OR1J2: variants seen among roughly 807,000 people sequenced by gnomAD.
The protein encoded by OR1J2 is olfactory receptor 1J2.
For synonymous variants in OR1J2, 142 were observed against 99.7 expected (o/e 1.42, Z -2.52); for missense variants, 304 against 246.1 (o/e 1.24, Z -1.57).
At chr9:122,532,256 A>C in the OR1J2 span, among the ~76,000 whole-genome samples, 2 of 152,132 alleles carry the variant, frequency 1.3e-5, no homozygotes, top group Non-Finnish European at 2.9e-5. Flanking sequence ...AACACTGAGA[A>C]GTTATTTCCT....
At chr9:122,553,325 C>G in the OR1J2 span, 1 of 1,613,854 alleles carries the variant, frequency 6.2e-7, no homozygotes, top group Non-Finnish European at 8.5e-7. Flanking sequence ...TTGGCATGTA[C>G]CTGGTCACCA....
At chr9:122,522,192 A>G in the OR1J2 span, among the ~76,000 whole-genome samples, 1 of 152,238 alleles carries the variant, frequency 6.6e-6, no homozygotes, top group South Asian at 2.1e-4. Context: ...AGCTTGCTGC[A>G]TTTTTGAAAT....
the OR1J2 span, among the ~76,000 whole-genome samples, chr9:122,526,119 C>T: frequency 6.6e-6 from 1 of 152,132 alleles, no homozygotes; most frequent in Non-Finnish European, 1.5e-5. Context: ...CCTTATTGAA[C>T]ACCTACTGTT....
At chr9:122,553,686 G>T in the OR1J2 span, 1 of 1,614,082 alleles carries the variant, frequency 6.2e-7, no homozygotes. Flanking sequence ...CAACTGTCCT[G>T]CCCTGATGCA....
chr9:122,481,825 C>T, the OR1J2 span, among the ~76,000 whole-genome samples: 148 of 152,058 alleles, frequency 9.7e-4, 1 homozygote, highest in African/African-American at 3.4e-3. Context: ...AACAATGAAG[C>T]TAGACCCCTA....
At chr9:122,481,019 C>T in the OR1J2 span, among the ~76,000 whole-genome samples, 2 of 152,126 alleles carry the variant, frequency 1.3e-5, no homozygotes, top group Admixed American at 6.5e-5. Flanking sequence ...TGGTCTTGAT[C>T]TCTTGACCTT....
the OR1J2 span, among the ~76,000 whole-genome samples, chr9:122,472,394 A>G: frequency 6.6e-6 from 1 of 152,242 alleles, no homozygotes; most frequent in Admixed American, 6.5e-5. Context: ...TATCATCTCC[A>G]GCCCTCTGGA....
the OR1J2 span, among the ~76,000 whole-genome samples, chr9:122,574,640 G>T: frequency 6.6e-6 from 1 of 152,064 alleles, no homozygotes; most frequent in Admixed American, 6.6e-5. Context: ...TGTGAACAAA[G>T]ATAGTTTCAT....
the OR1J2 span, chr9:122,568,026 G>T: frequency 1.2e-6 from 2 of 1,614,090 alleles, no homozygotes; most frequent in South Asian, 2.2e-5. Flanking sequence ...GTGAGGAAAT[G>T]AGCAGGAGAA....
chr9:122,535,833 T>G, the OR1J2 span, among the ~76,000 whole-genome samples: 1 of 151,634 alleles, frequency 6.6e-6, no homozygotes, highest in Non-Finnish European at 1.5e-5. Context: ...GTGGGCTGAG[T>G]CGGAAAAGGG....
the OR1J2 span, among the ~76,000 whole-genome samples, chr9:122,542,211 T>A: frequency 6.6e-6 from 1 of 152,174 alleles, no homozygotes; most frequent in Admixed American, 6.5e-5. Context: ...AAATAACCCA[T>A]AGTTTATTCA....
the OR1J2 span, among the ~76,000 whole-genome samples, chr9:122,564,991 G>T: frequency 2.0e-5 from 3 of 152,184 alleles, no homozygotes; most frequent in Non-Finnish European, 4.4e-5. Context: ...TAGGACATTT[G>T]TGTGTCAAAA....
chr9:122,554,362 G>T, the OR1J2 span: 1 of 532,796 alleles, frequency 1.9e-6, no homozygotes, highest in Non-Finnish European at 3.3e-6. Context: ...CCTCTTTCCT[G>T]ACCCCAGTGA....
At chr9:122,519,550 A>C in the OR1J2 span, 25 of 1,614,022 alleles carry the variant, frequency 1.5e-5, no homozygotes, top group African/African-American at 1.7e-4. Context: ...ACTATCATGA[A>C]AGAGGGACTG....
At chr9:122,571,190 G>A in the OR1J2 span, among the ~76,000 whole-genome samples, 7 of 152,238 alleles carry the variant, frequency 4.6e-5, no homozygotes, top group South Asian at 1.5e-3. Context: ...ATCTTTCTGT[G>A]TGGTACAGAT....
chr9:122,451,734 C>T, the OR1J2 span, among the ~76,000 whole-genome samples: 1 of 152,300 alleles, frequency 6.6e-6, no homozygotes, highest in Non-Finnish European at 1.5e-5. Flanking sequence ...TTAATATAAT[C>T]ATGTCAATTT....
chr9:122,548,687 GC>G, the OR1J2 span, among the ~76,000 whole-genome samples: 1,186 of 151,744 alleles, frequency 7.8e-3, 8 homozygotes, highest in Non-Finnish European at 0.013. Context: ...TTGGTGTGCT[GC>G]ACCCATTAAC....
the OR1J2 span, among the ~76,000 whole-genome samples, chr9:122,479,458 C>G: frequency 6.6e-6 from 1 of 152,146 alleles, no homozygotes; most frequent in Non-Finnish European, 1.5e-5. Context: ...GAAATTCCTG[C>G]TTGATCTTGA....
At chr9:122,454,087 T>A in the OR1J2 span, among the ~76,000 whole-genome samples, 1 of 152,248 alleles carries the variant, frequency 6.6e-6, no homozygotes, top group East Asian at 1.9e-4. Context: ...AGGTAATTGT[T>A]GCCATGTGGC....
Sources: gnomAD v4.1 joint callset for allele counts (sites outside exome capture counted in the v4.1 genomes callset) on GRCh38, gnomAD v4.1.1 for gene constraint, MANE v1.5 for transcripts, NCBI Gene and HGNC (gene_info 2026-07-23, HGNC 2026-07-21) for gene names.